Variants in ZNF791 observed in about 807,000 individuals in gnomAD.
ZNF791 encodes zinc finger protein 791.
In ZNF791, 4 loss-of-function variants were observed where a neutral mutation model predicts 11.5. That is an observed-to-expected ratio of 0.35 (90% CI 0.17 to 0.80). The LOEUF is 0.80. ZNF791 is among the 30% of genes least tolerant of loss of function. The probability of loss-of-function intolerance (pLI) is 0.53; values close to 1 mark genes in which losing one functional copy is unlikely to be tolerated. For synonymous variants in ZNF791, 212 were observed against 228.1 expected (o/e 0.93, Z 0.64); for missense variants, 559 against 699.4 (o/e 0.80, Z 2.26).
chr19:12,611,529 G>T (rs2145174792), intron 1 of ZNF791, among the ~76,000 whole-genome samples: 1 of 152,188 alleles, frequency 6.6e-6, no homozygotes, highest in Non-Finnish European at 1.5e-5. Flanking sequence ...ATTCCCAAAC[G>T]CCTACTTCCG....
At chr19:12,611,179 C>A in intron 1 of ZNF791, 97 bp downstream of exon 1, 1 of 1,512,470 alleles carries the variant, frequency 6.6e-7, no homozygotes, top group South Asian at 1.2e-5. Context: ...GCTGGGCTGG[C>A]AGCTGGAACT....
chr19:12,623,281 C>T (rs779123033), intron 1 of ZNF791: 1 of 175,586 alleles, frequency 5.7e-6, no homozygotes, highest in Non-Finnish European at 1.2e-5. Context: ...TGGTGTGTTC[C>T]TGTAGTCCCA....
chr19:12,628,950 G>A lies in ZNF791; in HGVS notation c.1421G>A (p.Gly474Glu). 6.2e-7 allele frequency: 1 copy of A among 1,613,950 alleles called. No homozygotes were observed. The highest frequency in any genetic ancestry group is 8.5e-7 in the Non-Finnish European group (1 of 1,179,956). ...AAACCCTATGAATGTAAACAATGTG[G>A]AAAAGCCTTTAGTTGTTCTAGTTAC... ...GEKPYECKQC[G>E]KAFSCSSYIR... The change falls in exon 4 of 4, where the codon GGA becomes GAA. Residue 474 changes from glycine to glutamate, a missense_variant. Transcript: ENST00000343325.
chr19:12,612,123 A>C (rs2023166780), intron 1 of ZNF791: 4 of 883,046 alleles, frequency 4.5e-6, no homozygotes, highest in Non-Finnish European at 4.1e-6. Flanking sequence ...TTAAACTTGC[A>C]ACATCTAGAA....
In ZNF791 at chr19:12,628,459, A is replaced by G; in HGVS notation, c.930A>G (p.Arg310=). Residue 310 remains arginine (R), a synonymous_variant, in exon 4 of 4, where the codon AGA becomes AGG. Coordinates refer to ENST00000343325, the MANE Select transcript of ZNF791 (RefSeq NM_153358.3). ...YKCKQCGKAF[R]CSTSIQIHER... ...GTAAACAATGTGGTAAAGCCTTCAG[A>G]TGTTCCACCTCCATTCAAATTCATG... 6 of 1,611,124 alleles carry G rather than the reference A, an allele frequency of 3.7e-6. No individual in the cohort carries two copies. The highest frequency in any genetic ancestry group is 5.1e-6 in the Non-Finnish European group (6 of 1,178,582).
At chr19:12,624,341 C>T (rs770062195) in intron 2 of ZNF791, among the ~76,000 whole-genome samples, 2 of 151,518 alleles carry the variant, frequency 1.3e-5, no homozygotes, top group East Asian at 3.9e-4. Context: ...TTAGTAGAGA[C>T]GGGGTTTTAT....
At position 12,629,029 on chromosome 19, in the gene ZNF791, A is replaced by T; in HGVS notation, c.1500A>T (p.Glu500Asp). Residue 500 changes from glutamate (E) to aspartate (D), a missense_variant, in exon 4 of 4, where the codon GAA becomes GAT. Coordinates refer to ENST00000343325, the MANE Select transcript of ZNF791 (RefSeq NM_153358.3). ...HTGEKPYECK[E>D]CGKAFIYPTS... ...GGGAGAAACCTTATGAATGTAAGGA[A>T]TGCGGGAAGGCCTTTATTTATCCCA... The T allele has an allele frequency of 6.2e-7, 1 of 1,613,582 alleles. No homozygotes were observed.
In ZNF791 at chr19:12,629,606, G is replaced by A. The variant is rs1296374676; in HGVS notation, c.*346G>A. 2 of 160,430 alleles carry A rather than the reference G, an allele frequency of 1.2e-5. No individual in the cohort carries two copies. The highest frequency in any genetic ancestry group is 2.7e-5 in the Non-Finnish European group (2 of 73,802). The allele number at this position is 160,430 out of a possible 1,614,324, so 9.9% of individuals were successfully genotyped here. On this transcript the variant is annotated 3_prime_UTR_variant, in exon 4 of 4. Transcript: ENST00000343325. Reference sequence around the variant, plus strand: ...GTATAAAAGTACAAGACAGCGGCCGGGGACGGTGGCTCACGCCTGTAATCC... The same window carrying A: ...GTATAAAAGTACAAGACAGCGGCCGAGGACGGTGGCTCACGCCTGTAATCC...
chr19:12,627,876 C>T lies in ZNF791; in HGVS notation c.347C>T (p.Thr116Ile), dbSNP rs1001248729. Reference protein sequence around the residue: ...GKAFMRLSSLTRHMRSHTGYE... With the variant: ...GKAFMRLSSLIRHMRSHTGYE... ...GCCTTCATGCGTCTCTCATCCCTTACTAGACACATGAGGTCTCACACTGGA... is the reference window on the plus strand; with the variant it reads ...GCCTTCATGCGTCTCTCATCCCTTATTAGACACATGAGGTCTCACACTGGA... Residue 116 changes from threonine to isoleucine, a missense_variant, in exon 4 of 4, where the codon ACT becomes ATT. Transcript: ENST00000343325. 6.2e-7 allele frequency: 1 copy of T among 1,614,018 alleles called. No individual in the cohort carries two copies. The highest frequency in any genetic ancestry group is 1.3e-5 in the African/African-American group (1 of 74,902).
chr19:12,626,065 A>C (rs1223059760), intron 3 of ZNF791, among the ~76,000 whole-genome samples: 2 of 151,940 alleles, frequency 1.3e-5, no homozygotes, highest in Admixed American at 6.6e-5. Context: ...TCACCAGGCT[A>C]GAGTGCTGTG....
In ZNF791 at chr19:12,614,892, C is replaced by CTTTTTTTTTTTTTTTTTTTTTTTTTTT. The variant is rs57575424; in HGVS notation, c.3+3819_3+3845dup. ...ACAGGTGTGAGCCACTGCGTCCGGCCTTTTTTTTTTTTTTTTTTTTTTTTT... is the reference window on the plus strand; with the variant it reads ...ACAGGTGTGAGCCACTGCGTCCGGCCTTTTTTTTTTTTTTTTTTTTTTTTTTTTTTTTTTTTTTTTTTTTTTTTTTTT... On this transcript the variant is annotated intron_variant, in intron 1 of 3. Transcript: ENST00000343325. Among the ~76,000 whole-genome samples, 5 of 17,566 alleles carry CTTTTTTTTTTTTTTTTTTTTTTTTTTT rather than the reference C, an allele frequency of 2.8e-4. 2 individuals are homozygous for CTTTTTTTTTTTTTTTTTTTTTTTTTTT. The highest frequency in any genetic ancestry group is 5.2e-4 in the Non-Finnish European group (4 of 7,720). The allele number at this position is 17,566 out of a possible 152,430, so 11.5% of individuals were successfully genotyped here.
chr19:12,622,394 A>AT (rs1356996536), intron 1 of ZNF791, among the ~76,000 whole-genome samples: 1 of 139,134 alleles, frequency 7.2e-6, no homozygotes, highest in African/African-American at 2.6e-5. Context: ...AAATAATAAA[A>AT]AAAAGACTGT....
intron 3 of ZNF791, 93 bp downstream of exon 3, chr19:12,624,803 A>T: frequency 1.2e-6 from 1 of 868,628 alleles, no homozygotes; most frequent in Non-Finnish European, 1.7e-6. Context: ...TAATCTCAGC[A>T]CTTTGAGAGG....
chr19:12,627,493 G>T (rs1336702728), intron 3 of ZNF791, among the ~76,000 whole-genome samples: 1 of 152,124 alleles, frequency 6.6e-6, no homozygotes, highest in Non-Finnish European at 1.5e-5. Flanking sequence ...GGGCGTGGTG[G>T]CGCATGCCTG....
chr19:12,615,171 A>G (rs2023227930), intron 1 of ZNF791, among the ~76,000 whole-genome samples: 1 of 149,692 alleles, frequency 6.7e-6, no homozygotes, highest in Non-Finnish European at 1.5e-5. Context: ...ATGCACCACA[A>G]TGCCCATCTA....
In ZNF791 at chr19:12,629,229, T is replaced by G. The variant is rs374988400; in HGVS notation, c.1700T>G (p.Leu567Ter). ...AAAGCCTTCAGTGTGTCCACATCCT[T>G]AAAAAAACATATGAGAATGCACAAT... ...CGKAFSVSTSLKKHMRMHNR is the reference protein window; with the variant it reads ...CGKAFSVSTS Residue 567 changes from leucine to a stop codon, truncating the protein, a stop_gained, in exon 4 of 4, where the codon TTA (leucine) becomes TGA (stop). Transcript: ENST00000343325. LOFTEE classifies it low-confidence loss of function (END_TRUNC). 5.3e-6 allele frequency: 8 copies of G among 1,497,070 alleles called. No individual in the cohort carries two copies. Among genetic ancestry groups the G allele is most frequent in the Non-Finnish European group, 7.1e-6 (8 of 1,123,026 alleles). 92.7% of individuals were successfully genotyped at this position (1,497,070 alleles called of 1,614,324 possible).
rs555110068 is a variant in ZNF791, at chr19:12,623,314, G to T, written c.4-386G>T. 4.8e-5 allele frequency: 9 copies of T among 188,724 alleles called. No individual in the cohort carries two copies. The South Asian group carries it at 7.6e-4, about 16-fold the overall frequency. The allele number at this position is 188,724 out of a possible 1,614,324, so 11.7% of individuals were successfully genotyped here. On this transcript the variant is annotated intron_variant, in intron 1 of 3. Transcript: ENST00000343325. ...CCAGCTACTCAGGAGGCTGAGGTTG[G>T]AGGATTGCTTGAGCCGGGAGGACTA...
intron 3 of ZNF791, 135 bp from the exon 4 acceptor site, chr19:12,627,586 A>G (rs763577660): frequency 3.6e-5 from 28 of 776,688 alleles, no homozygotes; most frequent in Admixed American, 8.2e-5. Context: ...AGATCGCACC[A>G]TTGCACTCCA....
intron 1 of ZNF791, among the ~76,000 whole-genome samples, chr19:12,613,752 C>G (rs886474614): frequency 1.3e-5 from 2 of 152,038 alleles, no homozygotes; most frequent in African/African-American, 4.8e-5. Context: ...GGGGAGCCTC[C>G]CCTACAGGTC....
Sources: allele counts gnomAD v4.1 joint callset (sites outside exome capture counted in the v4.1 genomes callset), GRCh38; gene constraint gnomAD v4.1.1; transcripts MANE v1.5; gene names NCBI Gene and HGNC (gene_info 2026-07-23, HGNC 2026-07-21).